Variants in EVC observed in about 807,000 individuals in gnomAD.
EVC encodes EvC ciliary complex subunit 1.
A neutral mutation model predicts 118.9 loss-of-function variants in EVC; 116 were observed. That is an observed-to-expected ratio of 0.98 (90% CI 0.84 to 1.14). The LOEUF (loss-of-function observed/expected upper bound fraction) is 1.14, where lower values mean the gene tolerates loss of function less well. Among genes scored for constraint, EVC ranks in the 50% most tolerant of loss-of-function variants. The pLI is 0.00. For missense variants in EVC, 1,401 were observed against 1,246.4 expected (o/e 1.12, Z -1.87); for synonymous variants, 619 against 534.7 (o/e 1.16, Z -2.18).
chr4:5,828,267 A>G, the EVC span: 1 of 985,314 alleles, frequency 1.0e-6, no homozygotes, highest in Non-Finnish European at 1.2e-6. Context: ...ACACCCCTCT[A>G]CAGTTTGCAA....
chr4:5,736,340 CTG>C (rs941409151), intron 5 of EVC, among the ~76,000 whole-genome samples: 8 of 152,012 alleles, frequency 5.3e-5, no homozygotes, highest in Admixed American at 2.6e-4. Context: ...TGGGTGAAAA[CTG>C]AAGAAGGTCT....
chr4:5,777,925 T>G (rs933192100), intron 11 of EVC, among the ~76,000 whole-genome samples: 2 of 152,062 alleles, frequency 1.3e-5, no homozygotes, highest in Admixed American at 6.5e-5. Context: ...GACATGCTGG[T>G]GCGCTGCACC....
At chr4:5,818,099 T>G (rs1048521550), downstream of EVC, among the ~76,000 whole-genome samples, 2 of 152,000 alleles carry the variant, frequency 1.3e-5, no homozygotes, top group Non-Finnish European at 2.9e-5. Context: ...GGGGGCAGTT[T>G]CCCCCCATAC....
intron 5 of EVC, among the ~76,000 whole-genome samples, chr4:5,735,153 G>A (rs933564821): frequency 6.6e-6 from 1 of 152,220 alleles, no homozygotes; most frequent in African/African-American, 2.4e-5. Flanking sequence ...CCCACTCTCT[G>A]GGGCAGTGGG....
In EVC at chr4:5,711,584, C is replaced by G. The variant is rs931311867; in HGVS notation, c.174+30C>G. ...GTCGGCCGAGCAGACAGCGGCGGGG[C>G]GGGGAGCGCGGGGCGCGTGGCTTCT... On this transcript the variant is annotated intron_variant, in intron 1 of 20. Transcript: ENST00000264956. The G allele has an allele frequency of 6.4e-4, 754 of 1,169,942 alleles. 2 individuals are homozygous for G. The Middle Eastern group carries it at 6.6e-3, about 10-fold the overall frequency. 72.5% of individuals were successfully genotyped at this position (1,169,942 alleles called of 1,614,324 possible). A position where few individuals can be genotyped will look rare whatever the true frequency, so the allele number is the denominator to read the frequency against.
chr4:5,822,619 C>G, the EVC span, among the ~76,000 whole-genome samples: 3 of 151,872 alleles, frequency 2.0e-5, no homozygotes, highest in African/African-American at 7.3e-5. Context: ...GCCTGGAGCT[C>G]AACAAATATT....
intron 6 of EVC, among the ~76,000 whole-genome samples, chr4:5,744,134 C>CTT (rs1560320412): frequency 6.6e-6 from 1 of 152,164 alleles, no homozygotes; most frequent in African/African-American, 2.4e-5. Context: ...GACCTTAAAA[C>CTT]TTTCAGAAGA....
intron 6 of EVC, among the ~76,000 whole-genome samples, 192 bp from the exon 7 acceptor site, chr4:5,745,012 A>G (rs979211682): frequency 6.7e-6 from 1 of 149,466 alleles, no homozygotes; most frequent in African/African-American, 2.5e-5. Flanking sequence ...AAAATAATCC[A>G]TTATTCTTGA....
the EVC span, chr4:5,825,779 C>CACACACACA: frequency 1.2e-6 from 1 of 820,716 alleles, no homozygotes; most frequent in South Asian, 1.7e-5. The surrounding 1 kb of genome is among the most constrained non-coding windows in gnomAD (Gnocchi z 4.4). Context: ...TGTGCATGCA[C>CACACACACA]ACACACACAC....
At chr4:5,757,165 C>T (rs531861658) in intron 11 of EVC, among the ~76,000 whole-genome samples, 5 of 152,296 alleles carry the variant, frequency 3.3e-5, no homozygotes, top group Admixed American at 6.5e-5. Flanking sequence ...TTTGGGGACC[C>T]GAGACAGCAG....
intron 15 of EVC, 178 bp from the exon 16 acceptor site, chr4:5,801,772 G>T: frequency 1.5e-6 from 1 of 661,540 alleles, no homozygotes; most frequent in Non-Finnish European, 2.7e-6. Flanking sequence ...TAAGAAGATA[G>T]GATTCCCATG....
chr4:5,713,181 G>C (rs1327103586), intron 1 of EVC, among the ~76,000 whole-genome samples: 1 of 152,198 alleles, frequency 6.6e-6, no homozygotes, highest in Non-Finnish European at 1.5e-5. Context: ...CTCAGACCAG[G>C]GTGGCAGCCA....
chr4:5,790,503 C>G (rs1712583036), intron 12 of EVC, among the ~76,000 whole-genome samples: 1 of 152,186 alleles, frequency 6.6e-6, no homozygotes, highest in Non-Finnish European at 1.5e-5. Flanking sequence ...GGGACTGACT[C>G]TCACCTTAAG....
intron 16 of EVC, 44 bp downstream of exon 16, chr4:5,802,138 T>A: frequency 6.2e-7 from 1 of 1,612,932 alleles, no homozygotes; most frequent in Non-Finnish European, 8.5e-7. Context: ...AGACTGGCAA[T>A]GTGTGCTTTT....
chr4:5,759,075 T>TGG (rs34699195), intron 11 of EVC, among the ~76,000 whole-genome samples: 7 of 151,594 alleles, frequency 4.6e-5, no homozygotes, highest in African/African-American at 7.3e-5. Context: ...TGGAGGGCGG[T>TGG]GGGGGCGGGT....
intron 11 of EVC, among the ~76,000 whole-genome samples, chr4:5,770,320 C>G (rs767196744): frequency 6.6e-6 from 1 of 152,156 alleles, no homozygotes; most frequent in African/African-American, 2.4e-5. Flanking sequence ...GCCTCCCTGC[C>G]GTAAATCACA....
rs1730824943 is a variant in EVC at position 5,754,167 on chromosome 4, A to G, written c.1464+234A>G. Among the ~76,000 whole-genome samples, 1 of 152,054 alleles carries G rather than the reference A, an allele frequency of 6.6e-6. No individual in the cohort carries two copies. The highest frequency in any genetic ancestry group is 6.5e-5 in the Admixed American group (1 of 15,274). On this transcript the variant is annotated intron_variant, in intron 10 of 20. Coordinates refer to ENST00000264956, the MANE Select transcript of EVC (RefSeq NM_153717.3). This position sits in a 1 kb window ranked among gnomAD's most constrained non-coding sequence, Gnocchi z 5.8. ...CCCTCACTGGGCTGCTGAGAAGAGGAGGGGGTAGGATCCGTAGAGAGCTTG... is the reference window on the plus strand; with the variant it reads ...CCCTCACTGGGCTGCTGAGAAGAGGGGGGGGTAGGATCCGTAGAGAGCTTG...
At chr4:5,720,390 C>T (rs368461006) in intron 2 of EVC, among the ~76,000 whole-genome samples, 1 of 152,234 alleles carries the variant, frequency 6.6e-6, no homozygotes, top group South Asian at 2.1e-4. Flanking sequence ...TCCTGAGTCC[C>T]GCAGCTGGGG....
intron 11 of EVC, among the ~76,000 whole-genome samples, chr4:5,764,333 T>C (rs1401900778): frequency 7.3e-6 from 1 of 136,794 alleles, no homozygotes; most frequent in Admixed American, 7.1e-5. Context: ...TTTGCATCAA[T>C]GTTCATCAAG....
Sources: allele counts gnomAD v4.1 joint callset (sites outside exome capture counted in the v4.1 genomes callset), GRCh38; gene constraint gnomAD v4.1.1; non-coding constraint Gnocchi (gnomAD v3.1); transcripts MANE v1.5; gene names NCBI Gene and HGNC (gene_info 2026-07-23, HGNC 2026-07-21).